Variants in LRRTM4 observed in about 807,000 individuals in gnomAD.
LRRTM4 encodes leucine rich repeat transmembrane neuronal 4.
In LRRTM4, 25 loss-of-function variants were observed where a neutral mutation model predicts 47.6. The ratio of observed to expected loss-of-function variants is 0.53; its 90% CI spans 0.38 to 0.73. The LOEUF is 0.73. Among genes scored for constraint, LRRTM4 ranks in the 30% least tolerant of loss-of-function variants. LRRTM4 has a pLI of 0.00. For missense variants in LRRTM4, 638 were observed against 713.4 expected, an observed-to-expected ratio of 0.89 and a Z score of 1.20; for synonymous variants, 311 against 269.5, an observed-to-expected ratio of 1.15 and a Z score of -1.51.
chr2:77,208,454 G>C (rs921783216), intron 3 of LRRTM4, among the ~76,000 whole-genome samples: 8 of 152,200 alleles, frequency 5.3e-5, no homozygotes, highest in African/African-American at 1.9e-4. Context: ...CAGAGCACAT[G>C]TGAAGATGGT....
chr2:76,942,576 G>T (rs1338039772), intron 3 of LRRTM4, among the ~76,000 whole-genome samples: 1 of 146,804 alleles, frequency 6.8e-6, no homozygotes, highest in African/African-American at 2.5e-5. Context: ...TTACAAAAAT[G>T]ATCTGTCAAA....
At chr2:77,059,405 T>C (rs1004912495) in intron 3 of LRRTM4, among the ~76,000 whole-genome samples, 1 of 152,014 alleles carries the variant, frequency 6.6e-6, no homozygotes, top group Non-Finnish European at 1.5e-5. Context: ...CTTCAGCACT[T>C]AGATATTAGA....
chr2:77,154,834 A>T (rs1672516452), intron 3 of LRRTM4, among the ~76,000 whole-genome samples: 1 of 152,026 alleles, frequency 6.6e-6, no homozygotes, highest in Admixed American at 6.6e-5. Context: ...TCATTTCATG[A>T]CTCTGAAGCT....
rs546230186 is a variant in LRRTM4 at position 77,391,575 on chromosome 2, C to T, written c.1551+126743G>A. Among the ~76,000 whole-genome samples, 8 of 152,028 alleles carry T rather than the reference C, an allele frequency of 5.3e-5. No individual in the cohort carries two copies. The South Asian group carries it at 6.2e-4, about 12-fold the overall frequency. On this transcript the variant is annotated intron_variant, in intron 3 of 3. Coordinates refer to ENST00000409884, the MANE Select transcript of LRRTM4 (RefSeq NM_001134745.3). ...ACAAATGATTGGAAGTTATTTACCTCGTATGCCAAGAAGTGTGCCACCTGT... is the reference window on the plus strand; with the variant it reads ...ACAAATGATTGGAAGTTATTTACCTTGTATGCCAAGAAGTGTGCCACCTGT...
intron 3 of LRRTM4, among the ~76,000 whole-genome samples, chr2:76,874,269 A>G (rs1173404511): frequency 1.3e-5 from 2 of 152,030 alleles, no homozygotes; most frequent in African/African-American, 4.8e-5. Flanking sequence ...TAGTCTTGTG[A>G]AACTTTACAT....
chr2:76,999,081 CTGT>C (rs1486696592), intron 3 of LRRTM4, among the ~76,000 whole-genome samples: 1 of 151,932 alleles, frequency 6.6e-6, no homozygotes, highest in African/African-American at 2.4e-5. Flanking sequence ...ATTGTTGTTA[CTGT>C]TGTTGTGTGT....
At chr2:77,107,057 G>T (rs887041653) in intron 3 of LRRTM4, among the ~76,000 whole-genome samples, 2 of 151,988 alleles carry the variant, frequency 1.3e-5, no homozygotes, top group African/African-American at 4.8e-5. Flanking sequence ...ATGAAGTACT[G>T]CATCACATCT....
chr2:76,975,064 A>G (rs1179746281), intron 3 of LRRTM4, among the ~76,000 whole-genome samples: 1 of 151,792 alleles, frequency 6.6e-6, no homozygotes, highest in Non-Finnish European at 1.5e-5. Context: ...GTTAACAAAA[A>G]CAAACAAACC....
intron 3 of LRRTM4, among the ~76,000 whole-genome samples, chr2:77,296,592 T>C (rs1218859195): frequency 6.6e-6 from 1 of 152,210 alleles, no homozygotes; most frequent in African/African-American, 2.4e-5. Context: ...GGTTAATTTA[T>C]ATAAAAGGCA....
chr2:76,877,600 C>T (rs894259496), intron 3 of LRRTM4, among the ~76,000 whole-genome samples: 8 of 151,948 alleles, frequency 5.3e-5, no homozygotes, highest in African/African-American at 1.7e-4. Flanking sequence ...TTAATTATTT[C>T]GGTTTATTTC....
chr2:77,336,411 A>G (rs892054178), intron 3 of LRRTM4, among the ~76,000 whole-genome samples: 2 of 152,152 alleles, frequency 1.3e-5, no homozygotes, highest in African/African-American at 4.8e-5. Context: ...CCAAAATTAT[A>G]GTTTTAAAGG....
At chr2:76,848,418 C>G (rs1271281312) in intron 3 of LRRTM4, among the ~76,000 whole-genome samples, 1 of 152,036 alleles carries the variant, frequency 6.6e-6, no homozygotes, top group Non-Finnish European at 1.5e-5. Flanking sequence ...ATATACTTCC[C>G]TCAAATTTTA....
chr2:76,811,381 G>A (rs1670728063), intron 3 of LRRTM4, among the ~76,000 whole-genome samples: 2 of 152,154 alleles, frequency 1.3e-5, no homozygotes, highest in Non-Finnish European at 2.9e-5. Context: ...CAAGATGGAT[G>A]AATAGGCATT....
At chr2:77,161,897 T>C (rs920404313) in intron 3 of LRRTM4, among the ~76,000 whole-genome samples, 3 of 152,144 alleles carry the variant, frequency 2.0e-5, no homozygotes, top group African/African-American at 7.2e-5. Flanking sequence ...AATTAAGAGT[T>C]CTTCATGGAG....
chr2:76,846,221 C>G (rs551290841), intron 3 of LRRTM4, among the ~76,000 whole-genome samples: 1 of 151,918 alleles, frequency 6.6e-6, no homozygotes, highest in Non-Finnish European at 1.5e-5. Context: ...GTGATGTAAG[C>G]GAGACACCTA....
chr2:77,477,939 GAAAGA>G (rs1241714464), intron 3 of LRRTM4, among the ~76,000 whole-genome samples: 1 of 140,230 alleles, frequency 7.1e-6, no homozygotes, highest in Non-Finnish European at 1.5e-5. Flanking sequence ...AAGAAAGAAA[GAAAGA>G]AAGAAAGAAA....
chr2:77,471,696 G>T (rs1355009801), intron 3 of LRRTM4, among the ~76,000 whole-genome samples: 1 of 152,044 alleles, frequency 6.6e-6, no homozygotes, highest in Non-Finnish European at 1.5e-5. Flanking sequence ...TAACTTTTTG[G>T]AGGTCTCTGT....
intron 3 of LRRTM4, among the ~76,000 whole-genome samples, chr2:77,431,212 C>T (rs1198557182): frequency 6.7e-6 from 1 of 148,964 alleles, no homozygotes; most frequent in Admixed American, 6.6e-5. Flanking sequence ...TCGATTTTGT[C>T]TTTCTATAGA....
At chr2:76,908,691 C>T (rs912031412) in intron 3 of LRRTM4, among the ~76,000 whole-genome samples, 1 of 152,142 alleles carries the variant, frequency 6.6e-6, no homozygotes, top group Non-Finnish European at 1.5e-5. Context: ...CATTCTTATA[C>T]ACCAATAAGA....
Sources: allele counts gnomAD v4.1 joint callset (sites outside exome capture counted in the v4.1 genomes callset), GRCh38; gene constraint gnomAD v4.1.1; transcripts MANE v1.5; gene names NCBI Gene and HGNC (gene_info 2026-07-23, HGNC 2026-07-21).